ZRANB3: variants seen among roughly 807,000 people sequenced by gnomAD.
The protein encoded by ZRANB3 is DNA annealing helicase and endonuclease ZRANB3.
In ZRANB3, 125 loss-of-function variants were observed where a neutral mutation model predicts 133.8. The ratio of observed to expected loss-of-function variants is 0.93; its 90% CI spans 0.81 to 1.08. ZRANB3 has a LOEUF of 1.08. Ranked by LOEUF, ZRANB3 falls within the 50% of genes least tolerant of loss-of-function variation. The probability of loss-of-function intolerance (pLI) is 0.00; values close to 1 mark genes in which losing one functional copy is unlikely to be tolerated. For missense variants in ZRANB3, 1,229 were observed against 1,275.5 expected, an observed-to-expected ratio of 0.96 and a Z score of 0.56; for synonymous variants, 387 against 432.7, an observed-to-expected ratio of 0.89 and a Z score of 1.31.
At chr2:135,227,453 TGTTA>T (rs1250938461) in intron 14 of ZRANB3, among the ~76,000 whole-genome samples, 1 of 152,244 alleles carries the variant, frequency 6.6e-6, no homozygotes, top group Non-Finnish European at 1.5e-5. Context: ...ATATGCTAAG[TGTTA>T]GTTAATTATC....
intron 3 of ZRANB3, among the ~76,000 whole-genome samples, chr2:135,359,931 G>C (rs1219716920): frequency 2.0e-5 from 3 of 152,088 alleles, no homozygotes; most frequent in Non-Finnish European, 4.4e-5. Context: ...GGTGAGGTAG[G>C]AAATAAAGTT....
At chr2:135,405,758 T>C (rs2104946056) in intron 2 of ZRANB3, among the ~76,000 whole-genome samples, 1 of 152,312 alleles carries the variant, frequency 6.6e-6, no homozygotes, top group South Asian at 2.1e-4. Flanking sequence ...GATCAAGATG[T>C]TCTTTGAAAC....
At chr2:135,509,554 C>T (rs1165610477) in intron 1 of ZRANB3, among the ~76,000 whole-genome samples, 1 of 151,918 alleles carries the variant, frequency 6.6e-6, no homozygotes, top group Non-Finnish European at 1.5e-5. Flanking sequence ...AAACAATTGC[C>T]AAGACTAAAA....
intron 6 of ZRANB3, among the ~76,000 whole-genome samples, chr2:135,319,063 G>T (rs1269417825): frequency 6.6e-6 from 1 of 152,186 alleles, no homozygotes; most frequent in African/African-American, 2.4e-5. Context: ...ATACAGAGTT[G>T]AGAAGAGGGG....
chr2:135,217,098 G>C (rs1694343079), intron 17 of ZRANB3, among the ~76,000 whole-genome samples: 1 of 152,162 alleles, frequency 6.6e-6, no homozygotes, highest in Non-Finnish European at 1.5e-5. Context: ...CGCACAGCAG[G>C]GCAAAGCAGA....
chr2:135,520,078 A>G (rs1693863865), intron 1 of ZRANB3, among the ~76,000 whole-genome samples: 1 of 141,350 alleles, frequency 7.1e-6, no homozygotes, highest in African/African-American at 3.0e-5. Context: ...TTTCCACTTA[A>G]ATTCTTTTTT....
At chr2:135,419,808 T>G (rs1688756642) in intron 2 of ZRANB3, among the ~76,000 whole-genome samples, 1 of 151,450 alleles carries the variant, frequency 6.6e-6, no homozygotes, top group Non-Finnish European at 1.5e-5. Context: ...TTATATAAGG[T>G]TGGATGGCCT....
At chr2:135,244,228 G>A (rs952279029) in intron 12 of ZRANB3, among the ~76,000 whole-genome samples, 2 of 152,110 alleles carry the variant, frequency 1.3e-5, no homozygotes, top group Admixed American at 1.3e-4. Flanking sequence ...AGTACTTTGG[G>A]AGTCCAAGGC....
At chr2:135,426,819 G>C (rs1404255242) in intron 2 of ZRANB3, among the ~76,000 whole-genome samples, 1 of 87,308 alleles carries the variant, frequency 1.1e-5, no homozygotes, top group African/African-American at 4.5e-5. Flanking sequence ...GTGACAGAGA[G>C]AGACTCTGTC....
At chr2:135,356,477 A>G (rs920592419) in intron 3 of ZRANB3, among the ~76,000 whole-genome samples, 2 of 152,206 alleles carry the variant, frequency 1.3e-5, no homozygotes, top group African/African-American at 4.8e-5. Context: ...ACAGGCGAAG[A>G]AAAGGGAAAC....
intron 2 of ZRANB3, among the ~76,000 whole-genome samples, chr2:135,399,568 G>C (rs1409456576): frequency 6.6e-6 from 1 of 151,972 alleles, no homozygotes; most frequent in African/African-American, 2.4e-5. Context: ...TTAAGAGAAG[G>C]GCATACAAGG....
chr2:135,226,953 G>C (rs1479606035), intron 14 of ZRANB3, among the ~76,000 whole-genome samples: 1 of 152,228 alleles, frequency 6.6e-6, no homozygotes, highest in Non-Finnish European at 1.5e-5. Context: ...GGAAGGCTGA[G>C]AGAAGAAGAA....
intron 2 of ZRANB3, among the ~76,000 whole-genome samples, chr2:135,483,226 G>A (rs1369910375): frequency 2.0e-5 from 3 of 151,882 alleles, no homozygotes; most frequent in East Asian, 1.9e-4. Context: ...GGTAGAATTC[G>A]GCTGTGAATA....
chr2:135,324,190 C>G (rs534265385), intron 6 of ZRANB3, among the ~76,000 whole-genome samples: 3 of 151,880 alleles, frequency 2.0e-5, no homozygotes, highest in African/African-American at 7.3e-5. Flanking sequence ...ATTAACTCAT[C>G]ATTTAACATT....
intron 8 of ZRANB3, among the ~76,000 whole-genome samples, chr2:135,291,701 C>A (rs561824528): frequency 6.6e-6 from 1 of 151,738 alleles, no homozygotes; most frequent in Non-Finnish European, 1.5e-5. Flanking sequence ...CCCATTAACT[C>A]GTCATTTAAC....
intron 3 of ZRANB3, among the ~76,000 whole-genome samples, chr2:135,354,992 G>A (rs756840902): frequency 2.6e-5 from 4 of 151,992 alleles, no homozygotes; most frequent in Admixed American, 6.6e-5. Context: ...GACAGGCCCT[G>A]TTTACCAGAC....
chr2:135,523,286 T>C (rs1694020759), intron 1 of ZRANB3, among the ~76,000 whole-genome samples: 1 of 152,236 alleles, frequency 6.6e-6, no homozygotes, highest in Admixed American at 6.5e-5. Flanking sequence ...GTTCCACTGC[T>C]ATCACCAAAT....
rs536901877 is a variant in ZRANB3 at position 135,383,019 on chromosome 2, T to C, written c.180+7783A>G. On this transcript the variant is annotated intron_variant, in intron 3 of 20. Coordinates refer to ENST00000264159, the MANE Select transcript of ZRANB3 (RefSeq NM_032143.4). Reference sequence around the variant, plus strand: ...TAACTTTAAATGTAAATGGGCTAAATGCTCCAATTAAAAGACACAGACAAA... The same window carrying C: ...TAACTTTAAATGTAAATGGGCTAAACGCTCCAATTAAAAGACACAGACAAA... Among the ~76,000 whole-genome samples the C allele has an allele frequency of 6.6e-5, 10 of 152,276 alleles. No individual in the cohort carries two copies. The East Asian group carries it at 1.9e-3, about 29-fold the overall frequency.
At chr2:135,228,131 C>G in intron 13 of ZRANB3, 116 bp from the exon 14 acceptor site, 1 of 897,906 alleles carries the variant, frequency 1.1e-6, no homozygotes, top group Non-Finnish European at 1.6e-6. Flanking sequence ...TTCATATGTT[C>G]AAAACATTTA....
Sources: gnomAD v4.1 joint callset for allele counts (sites outside exome capture counted in the v4.1 genomes callset) on GRCh38, gnomAD v4.1.1 for gene constraint, MANE v1.5 for transcripts, NCBI Gene and HGNC (gene_info 2026-07-23, HGNC 2026-07-21) for gene names.